Variants in CALCRL observed in about 807,000 individuals in gnomAD.
CALCRL encodes calcitonin receptor like receptor, also known as calcitonin gene-related peptide type 1 receptor.
Under a neutral mutation model 60.4 loss-of-function variants are expected in CALCRL, and 27 were observed. The ratio of observed to expected loss-of-function variants is 0.45; its 90% confidence interval spans 0.33 to 0.62. CALCRL has a LOEUF of 0.62. CALCRL is among the 20% of genes least tolerant of loss of function. The probability of loss-of-function intolerance (pLI) is 0.03; values close to 1 mark genes in which losing one functional copy is unlikely to be tolerated. For missense variants in CALCRL, 424 were observed against 540.7 expected, an observed-to-expected ratio of 0.78 and a Z score of 2.14; for synonymous variants, 190 against 182.6, an observed-to-expected ratio of 1.04 and a Z score of -0.33.
chr2:187,365,977 C>A (rs1438222256), intron 8 of CALCRL, among the ~76,000 whole-genome samples: 1 of 152,110 alleles, frequency 6.6e-6, no homozygotes, highest in Non-Finnish European at 1.5e-5. Flanking sequence ...GGCGCGGTGG[C>A]TCACGCCTGT....
At chr2:187,355,184 CAA>C (rs1686716829) in intron 12 of CALCRL, among the ~76,000 whole-genome samples, 1 of 151,962 alleles carries the variant, frequency 6.6e-6, no homozygotes, top group South Asian at 2.1e-4. Context: ...GATGAGAAAA[CAA>C]AGACACAGAG....
chr2:187,438,366 TAG>T (rs1490611754), intron 1 of CALCRL, among the ~76,000 whole-genome samples: 1 of 152,206 alleles, frequency 6.6e-6, no homozygotes, highest in African/African-American at 2.4e-5. Context: ...GCATTGTTTT[TAG>T]AGTTATCTGT....
Position 187,398,474 on chromosome 2 carries a change from T to C in CALCRL, c.-292-10718A>G, listed in dbSNP as rs533518868. Among the ~76,000 whole-genome samples the C allele has an allele frequency of 3.3e-5, 5 of 151,744 alleles. No homozygotes were observed. In the East Asian group the frequency reaches 9.7e-4, roughly 29 times the overall value. On this transcript the variant is annotated intron_variant, in intron 1 of 14. Coordinates refer to ENST00000392370, the MANE Select transcript of CALCRL (RefSeq NM_005795.6). The stretch of plus-strand genomic sequence containing the variant: ...GCACCTACTAGCACATTCCAACTTT[T>C]AGGAGGTAGAGGAACTCTGTTGATA...
At chr2:187,356,309 C>T (rs950769659) in intron 12 of CALCRL, among the ~76,000 whole-genome samples, 10 of 152,082 alleles carry the variant, frequency 6.6e-5, no homozygotes, top group Non-Finnish European at 1.5e-5. Context: ...AAAACAGATA[C>T]ATAGACCAAT....
At chr2:187,385,504 G>C (rs1383669630) in intron 4 of CALCRL, 41 bp downstream of exon 4, 1 of 984,150 alleles carries the variant, frequency 1.0e-6, no homozygotes, top group Non-Finnish European at 1.6e-6. Flanking sequence ...AGGTATACTG[G>C]AAGCAATAAC....
At chr2:187,424,721 C>T (rs3771072) in intron 1 of CALCRL, among the ~76,000 whole-genome samples, 6 of 151,718 alleles carry the variant, frequency 4.0e-5, no homozygotes, top group Non-Finnish European at 8.8e-5. Flanking sequence ...GATTTGAAAC[C>T]GTGATAGGTA....
intron 1 of CALCRL, among the ~76,000 whole-genome samples, chr2:187,400,033 CTA>C (rs1455648133): frequency 6.6e-6 from 1 of 151,220 alleles, no homozygotes; most frequent in Non-Finnish European, 1.5e-5. Context: ...GTTGTATAGA[CTA>C]TGGAGTAAAT....
chr2:187,364,722 G>A (rs1687204207), intron 8 of CALCRL, among the ~76,000 whole-genome samples: 1 of 152,138 alleles, frequency 6.6e-6, no homozygotes, highest in African/African-American at 2.4e-5. Context: ...ACAGGTCTGT[G>A]ATTCTATATA....
chr2:187,371,083 C>A (rs1687497672), intron 8 of CALCRL, among the ~76,000 whole-genome samples: 1 of 151,776 alleles, frequency 6.6e-6, no homozygotes, highest in Non-Finnish European at 1.5e-5. Flanking sequence ...TCTACTAAAA[C>A]TACAAAAAAG....
rs1181747897 is a variant in CALCRL at position 187,380,753 on chromosome 2, G to C, written c.219C>G (p.Leu73=). 2.5e-6 allele frequency: 4 copies of C among 1,613,972 alleles called. No homozygotes were observed. The highest frequency in any genetic ancestry group is 3.4e-6 in the Non-Finnish European group (4 of 1,179,996). ...TTCCTGCTGCAACATCGTTCCAGCA[G>C]AGCCATCCATCCCAGGTTCTGTTGC... is the stretch of plus-strand genomic sequence containing the variant. ...VYCNRTWDGW[L]CWNDVAAGTE... is the part of the protein sequence containing the mutation. The change falls in exon 6 of 15, where the codon CTC becomes CTG. Residue 73 remains leucine (L), a synonymous_variant. Transcript: ENST00000392370.
At chr2:187,380,442 A>G in intron 7 of CALCRL, 25 bp downstream of exon 7, 1 of 1,365,960 alleles carries the variant, frequency 7.3e-7, no homozygotes, top group Non-Finnish European at 1.0e-6. Context: ...TGTAAGTTAA[A>G]TTTCAATTCA....
At chr2:187,382,282 T>C (rs779306347) in intron 5 of CALCRL, among the ~76,000 whole-genome samples, 50 of 152,210 alleles carry the variant, frequency 3.3e-4, no homozygotes, top group Non-Finnish European at 6.2e-4. Context: ...CAAGACTTTC[T>C]AGAGTATTTA....
intron 1 of CALCRL, among the ~76,000 whole-genome samples, chr2:187,439,106 G>C (rs1297806036): frequency 2.0e-5 from 3 of 152,092 alleles, no homozygotes; most frequent in African/African-American, 7.2e-5. Context: ...TTATCTAGGT[G>C]CTTCATATAT....
At chr2:187,382,774 T>G (rs961496760) in intron 5 of CALCRL, among the ~76,000 whole-genome samples, 2 of 152,052 alleles carry the variant, frequency 1.3e-5, no homozygotes, top group African/African-American at 4.8e-5. Flanking sequence ...GTGTGTGTTA[T>G]GAAAAACAAC....
chr2:187,397,177 A>G (rs1467952863), intron 1 of CALCRL, among the ~76,000 whole-genome samples: 2 of 151,744 alleles, frequency 1.3e-5, no homozygotes, highest in Non-Finnish European at 1.5e-5. Context: ...CTTATTATAC[A>G]TATTTTCATT....
At chr2:187,411,793 G>T (rs889361442) in intron 1 of CALCRL, among the ~76,000 whole-genome samples, 1 of 151,560 alleles carries the variant, frequency 6.6e-6, no homozygotes. Flanking sequence ...TCAGGAGATC[G>T]AGACCAGCCT....
At chr2:187,392,297 A>C (rs952710293) in intron 1 of CALCRL, among the ~76,000 whole-genome samples, 1 of 152,024 alleles carries the variant, frequency 6.6e-6, no homozygotes, top group African/African-American at 2.4e-5. Context: ...TCTAAACCAT[A>C]CTCTGTTTTT....
At chr2:187,444,671 C>A (rs1228564368) in intron 1 of CALCRL, among the ~76,000 whole-genome samples, 2 of 151,392 alleles carry the variant, frequency 1.3e-5, no homozygotes, top group African/African-American at 4.8e-5. Context: ...GAAACATAGA[C>A]CCTAACTCAG....
chr2:187,435,273 T>C (rs1449870654), intron 1 of CALCRL, among the ~76,000 whole-genome samples: 1 of 151,952 alleles, frequency 6.6e-6, no homozygotes, highest in Non-Finnish European at 1.5e-5. Flanking sequence ...TATCCTCATA[T>C]CTCCTATCTC....
Sources: gnomAD v4.1 joint callset for allele counts (sites outside exome capture counted in the v4.1 genomes callset) on GRCh38, gnomAD v4.1.1 for gene constraint, MANE v1.5 for transcripts, NCBI Gene and HGNC (gene_info 2026-07-23, HGNC 2026-07-21) for gene names.